Variants in RASGEF1C observed in about 807,000 individuals in gnomAD.
RASGEF1C encodes the protein RasGEF domain family member 1C.
A neutral mutation model predicts 58.1 loss-of-function variants in RASGEF1C; 27 were observed. That is an observed-to-expected ratio of 0.46 (90% CI 0.34 to 0.64). RASGEF1C has a LOEUF of 0.64. RASGEF1C is among the 30% of genes least tolerant of loss of function. RASGEF1C has a pLI of 0.01. For missense variants in RASGEF1C, 502 were observed against 605.1 expected (o/e 0.83, Z 1.79); for synonymous variants, 243 against 246.3 (o/e 0.99, Z 0.13).
intron 1 of RASGEF1C, among the ~76,000 whole-genome samples, chr5:180,172,416 G>T (rs1561750250): frequency 6.6e-6 from 1 of 152,262 alleles, no homozygotes; most frequent in East Asian, 1.9e-4. Context: ...TCCTGCATGT[G>T]ACCAGGGCCC....
rs765584444 is a variant in RASGEF1C at position 180,114,482 on chromosome 5, G to A, written c.1143C>T (p.Cys381=). 1.5e-5 allele frequency: 24 copies of A among 1,612,664 alleles called. 1 individual carries two copies. In the Admixed American group the frequency reaches 1.5e-4, roughly 10 times the overall value. ...IKDIYFLNEG[C]ANRLPNGHVN... Reference sequence around the variant, plus strand: ...CGTGTCCATTGGGAAGGCGGTTGGCGCAGCCCTCATTCAGGAAGTAGATGT... The same window carrying A: ...CGTGTCCATTGGGAAGGCGGTTGGCACAGCCCTCATTCAGGAAGTAGATGT... Residue 381 remains cysteine, a synonymous_variant, in exon 11 of 14, where the codon TGC becomes TGT. Coordinates refer to ENST00000361132, the MANE Select transcript of RASGEF1C (RefSeq NM_175062.4).
intron 1 of RASGEF1C, among the ~76,000 whole-genome samples, chr5:180,174,595 T>C (rs552490851): frequency 6.9e-6 from 1 of 144,750 alleles, no homozygotes; most frequent in South Asian, 2.3e-4. Flanking sequence ...CACGTGTGTG[T>C]GTGTGTGCAC....
chr5:180,182,390 C>T (rs1161657424), intron 1 of RASGEF1C, among the ~76,000 whole-genome samples: 1 of 151,874 alleles, frequency 6.6e-6, no homozygotes, highest in African/African-American at 2.4e-5. Context: ...TGGCGCGGAC[C>T]CAAACAGTGA....
At chr5:180,148,703 C>A (rs983271682) in intron 1 of RASGEF1C, among the ~76,000 whole-genome samples, 4 of 152,126 alleles carry the variant, frequency 2.6e-5, no homozygotes, top group African/African-American at 9.7e-5. Context: ...TACTTATTTT[C>A]TTAATGTATT....
intron 6 of RASGEF1C, among the ~76,000 whole-genome samples, chr5:180,126,360 C>T (rs1362671764): frequency 5.9e-5 from 9 of 151,932 alleles, no homozygotes; most frequent in East Asian, 1.9e-4. Flanking sequence ...TGAGCGGAGA[C>T]CGCGCCCCTG....
intron 12 of RASGEF1C, among the ~76,000 whole-genome samples, chr5:180,102,728 CTGGGTTCTCTATT>C (rs1420729807): frequency 6.6e-6 from 1 of 151,924 alleles, no homozygotes; most frequent in Non-Finnish European, 1.5e-5. Flanking sequence ...GGGTCTCTTT[CTGGGTTCTCTATT>C]CTGTCCCATT....
Position 180,103,302 on chromosome 5 carries a change from C to A in RASGEF1C, c.1304-1159G>T, listed in dbSNP as rs1053696087. 1.1e-4 allele frequency among the ~76,000 whole-genome samples: 16 copies of A among 152,314 alleles called. No homozygotes were observed. The East Asian group carries it at 2.5e-3, about 24-fold the overall frequency. On this transcript the variant is annotated intron_variant, in intron 12 of 13. Coordinates refer to ENST00000361132, the MANE Select transcript of RASGEF1C (RefSeq NM_175062.4). ...CCGTGTTAGCCAGGATGGTCTCGAT[C>A]TCCTGACCTTGTGATCCGCCCGCCT...
chr5:180,109,666 G>C (rs1461477470), intron 12 of RASGEF1C, among the ~76,000 whole-genome samples: 1 of 152,200 alleles, frequency 6.6e-6, no homozygotes, highest in Non-Finnish European at 1.5e-5. Flanking sequence ...GGACGGCAAA[G>C]GGAGATTTGA....
At chr5:180,184,531 C>T (rs949348641) in intron 1 of RASGEF1C, among the ~76,000 whole-genome samples, 3 of 151,052 alleles carry the variant, frequency 2.0e-5, no homozygotes, top group Non-Finnish European at 3.0e-5. Context: ...GAGACGGGAT[C>T]GTGCCACTGC....
At chr5:180,166,480 G>A (rs1193980098) in intron 1 of RASGEF1C, among the ~76,000 whole-genome samples, 1 of 148,402 alleles carries the variant, frequency 6.7e-6, no homozygotes, top group Non-Finnish European at 1.5e-5. Context: ...TTACCCGAGT[G>A]TGTCTTATAT....
At chr5:180,117,942 C>T (rs934495129) in intron 10 of RASGEF1C, among the ~76,000 whole-genome samples, 1 of 139,924 alleles carries the variant, frequency 7.1e-6, no homozygotes, top group Non-Finnish European at 1.5e-5. Flanking sequence ...TGCAGTGAGC[C>T]AAGATTGCAC....
rs141849154 is a variant in RASGEF1C, at chr5:180,102,864, T to A, written c.1304-721A>T. Among the ~76,000 whole-genome samples the A allele has an allele frequency of 1.5e-3, 221 of 152,332 alleles. 1 individual carries two copies. Among genetic ancestry groups the A allele is most frequent in the African/African-American group, 5.2e-3 (216 of 41,574 alleles). Reference sequence around the variant, plus strand: ...TCCTCCCACGAATCCTTTTCAAGATTGTTTTAGCAATTCTAGTTCCTTTGA... The same window carrying A: ...TCCTCCCACGAATCCTTTTCAAGATAGTTTTAGCAATTCTAGTTCCTTTGA... On this transcript the variant is annotated intron_variant, in intron 12 of 13. Coordinates refer to ENST00000361132, the MANE Select transcript of RASGEF1C (RefSeq NM_175062.4).
intron 1 of RASGEF1C, chr5:180,138,467 G>C (rs1342803711): frequency 1.2e-5 from 2 of 160,378 alleles, no homozygotes; most frequent in African/African-American, 4.8e-5. Flanking sequence ...GGGCTCAGCT[G>C]CAATCCCAGA....
At chr5:180,118,951 A>T (rs1766120639) in intron 8 of RASGEF1C, 85 bp from the exon 9 acceptor site, 1 of 1,285,300 alleles carries the variant, frequency 7.8e-7, no homozygotes, top group Non-Finnish European at 1.1e-6. Context: ...CTGCACCCTG[A>T]CCAGGGCTGA....
At chr5:180,174,500 C>T (rs4700899) in intron 1 of RASGEF1C, among the ~76,000 whole-genome samples, 1 of 105,108 alleles carries the variant, frequency 9.5e-6, no homozygotes, top group African/African-American at 3.8e-5. Context: ...GCGTGTGTGT[C>T]TGTGTGTGCG....
intron 1 of RASGEF1C, among the ~76,000 whole-genome samples, chr5:180,157,729 G>A (rs1226065480): frequency 6.6e-6 from 1 of 152,042 alleles, no homozygotes; most frequent in African/African-American, 2.4e-5. Context: ...TGAAAAGACT[G>A]CATGATTCCA....
Position 180,137,598 on chromosome 5 carries a change from G to A in RASGEF1C, c.292C>T (p.Leu98=). 6.2e-7 allele frequency: 1 copy of A among 1,607,802 alleles called. No homozygotes were observed. Among genetic ancestry groups the A allele is most frequent in the Non-Finnish European group, 8.5e-7 (1 of 1,178,382 alleles). The stretch of plus-strand genomic sequence containing the variant: ...CCTGCCCTCCGCCTCACCTTGTCCA[G>A]CACCGGCTTGTCCAGCTGCTGCTGC... ...IEQQQLDKPV[L]DKARVRKFGP... The change falls in exon 3 of 14, where the codon CTG becomes TTG. Residue 98 remains leucine, a synonymous_variant. Transcript: ENST00000361132. This position sits in a 1 kb window ranked among gnomAD's most constrained non-coding sequence, Gnocchi z 4.1.
chr5:180,124,287 T>G (rs1045167115), intron 6 of RASGEF1C, among the ~76,000 whole-genome samples: 3 of 151,564 alleles, frequency 2.0e-5, no homozygotes, highest in Non-Finnish European at 4.4e-5. Flanking sequence ...ACTGGCTAAT[T>G]CTACAAAATG....
chr5:180,193,080 G>C (rs1756195621), intron 1 of RASGEF1C, among the ~76,000 whole-genome samples: 1 of 145,244 alleles, frequency 6.9e-6, no homozygotes, highest in African/African-American at 2.5e-5. Flanking sequence ...TTTTGAGACG[G>C]TGTCTTGCTC....
Sources: gnomAD v4.1 joint callset for allele counts (sites outside exome capture counted in the v4.1 genomes callset) on GRCh38, gnomAD v4.1.1 for gene constraint, Gnocchi (gnomAD v3.1) non-coding constraint, MANE v1.5 for transcripts, NCBI Gene and HGNC (gene_info 2026-07-23, HGNC 2026-07-21) for gene names.